FAAH2: variants seen among roughly 807,000 people sequenced by gnomAD.
FAAH2 encodes the protein fatty-acid amide hydrolase 2.
A neutral mutation model predicts 36.9 loss-of-function variants in FAAH2; 60 were observed. The observed-to-expected ratio is 1.63, with a 90% confidence interval of 1.32 to 2.02. The LOEUF (loss-of-function observed/expected upper bound fraction) is 2.02. Among genes scored for constraint, FAAH2 ranks in the 30% most tolerant of loss-of-function variants. FAAH2 has a pLI of 0.00. For missense variants in FAAH2, 689 were observed against 397.5 expected (o/e 1.73, Z -6.23); for synonymous variants, 214 against 143.8 (o/e 1.49, Z -3.49).
chrX:57,458,246 G>T (rs1273429529), intron 10 of FAAH2, among the ~76,000 whole-genome samples: 1 of 112,128 alleles, frequency 8.9e-6, no homozygotes, highest in Non-Finnish European at 1.9e-5. Context: ...CCTGCCGTAT[G>T]CAGAAGAATG....
chrX:57,137,081 C>A, the FAAH2 span: 48 of 789,857 alleles, frequency 6.1e-5, 1 homozygote, highest in South Asian at 2.4e-3. Flanking sequence ...ATTCCTACCC[C>A]CTTTCCCTGT....
At chrX:57,478,890 G>A (rs2057323246) in intron 10 of FAAH2, among the ~76,000 whole-genome samples, 1 of 111,644 alleles carries the variant, frequency 9.0e-6, no homozygotes, top group Non-Finnish European at 1.9e-5. Context: ...GGTTACTGTA[G>A]CCTTGTAGTA....
intron 5 of FAAH2, among the ~76,000 whole-genome samples, chrX:57,360,052 T>C (rs1178742106): frequency 9.2e-6 from 1 of 109,122 alleles, no homozygotes; most frequent in Non-Finnish European, 1.9e-5. Flanking sequence ...AATATGGTGA[T>C]AGTCTTATGG....
At chrX:57,174,807 T>G in the FAAH2 span, among the ~76,000 whole-genome samples, 1 of 111,906 alleles carries the variant, frequency 8.9e-6, no homozygotes, top group Non-Finnish European at 1.9e-5. Context: ...AAATAATTTT[T>G]AAATTTCCAT....
intron 5 of FAAH2, among the ~76,000 whole-genome samples, chrX:57,350,857 C>A (rs761978414): frequency 3.6e-5 from 4 of 111,072 alleles, no homozygotes; most frequent in Non-Finnish European, 7.6e-5. Context: ...TATCACTAGA[C>A]CAAAAGAGGA....
chrX:57,451,886 C>A (rs1322278258), intron 10 of FAAH2, among the ~76,000 whole-genome samples: 1 of 112,630 alleles, frequency 8.9e-6, no homozygotes, highest in African/African-American at 3.2e-5. Flanking sequence ...AATAATCTAG[C>A]CTGCAGATTC....
At chrX:57,378,605 A>G in intron 5 of FAAH2, 46 bp from the exon 6 acceptor site, 1 of 1,199,730 alleles carries the variant, frequency 8.3e-7, no homozygotes, top group Non-Finnish European at 1.1e-6. Flanking sequence ...ACATGCAGGG[A>G]TCATGTCTTA....
At chrX:57,421,351 G>A (rs1262782223) in intron 7 of FAAH2, among the ~76,000 whole-genome samples, 1 of 112,145 alleles carries the variant, frequency 8.9e-6, no homozygotes, top group East Asian at 2.8e-4. Context: ...ACTCAGGTGG[G>A]TGAGACCGGA....
At chrX:57,482,452 G>A (rs915705676) in intron 10 of FAAH2, among the ~76,000 whole-genome samples, 14 of 111,362 alleles carry the variant, frequency 1.3e-4, no homozygotes, top group African/African-American at 4.2e-4. Flanking sequence ...AACCTAGCTG[G>A]GTAGCGCAGT....
At chrX:57,344,336 T>C (rs969367661) in intron 5 of FAAH2, among the ~76,000 whole-genome samples, 9 of 110,983 alleles carry the variant, frequency 8.1e-5, no homozygotes, top group Admixed American at 1.9e-4. Flanking sequence ...TGGTTAGTGG[T>C]ATTTCTAGAT....
intron 7 of FAAH2, among the ~76,000 whole-genome samples, chrX:57,409,252 A>G (rs973294442): frequency 8.9e-6 from 1 of 111,897 alleles, no homozygotes; most frequent in Admixed American, 9.5e-5. Flanking sequence ...CCAGGGATGA[A>G]TCTCAATTAA....
At chrX:57,221,805 C>A in the FAAH2 span, among the ~76,000 whole-genome samples, 3 of 110,442 alleles carry the variant, frequency 2.7e-5, no homozygotes, top group Non-Finnish European at 3.8e-5. Context: ...CGACACCCAC[C>A]TTTCATGTGA....
the FAAH2 span, among the ~76,000 whole-genome samples, chrX:57,234,775 C>T: frequency 9.0e-6 from 1 of 111,658 alleles, no homozygotes; most frequent in Non-Finnish European, 1.9e-5. Context: ...AGGCTGGTCC[C>T]CATGGTTCAC....
At chrX:57,225,053 T>A in the FAAH2 span, among the ~76,000 whole-genome samples, 14 of 112,413 alleles carry the variant, frequency 1.2e-4, no homozygotes, top group African/African-American at 4.5e-4. Context: ...TTAATCTTGC[T>A]AATGGTCTCT....
the FAAH2 span, among the ~76,000 whole-genome samples, chrX:57,264,103 A>G: frequency 1.8e-5 from 2 of 112,168 alleles, no homozygotes; most frequent in East Asian, 5.5e-4. Flanking sequence ...CTTAAATGTA[A>G]AACTATAATA....
intron 5 of FAAH2, among the ~76,000 whole-genome samples, chrX:57,361,527 A>T (rs1322240089): frequency 9.0e-6 from 1 of 111,055 alleles, no homozygotes; most frequent in Non-Finnish European, 1.9e-5. Flanking sequence ...TTTTTCCTAA[A>T]TTTCTTTATT....
At chrX:57,472,003 T>C (rs762872503) in intron 10 of FAAH2, among the ~76,000 whole-genome samples, 37 of 112,232 alleles carry the variant, frequency 3.3e-4, no homozygotes, top group African/African-American at 9.4e-4. Context: ...AAGGATTCCC[T>C]ATTTAACAGG....
intron 7 of FAAH2, among the ~76,000 whole-genome samples, chrX:57,426,780 T>A (rs1480170071): frequency 9.0e-6 from 1 of 111,533 alleles, no homozygotes; most frequent in African/African-American, 3.3e-5. Context: ...TAATGTTAAA[T>A]GCCTACATCA....
chrX:57,323,983 T>G (rs1192387728), intron 3 of FAAH2, among the ~76,000 whole-genome samples: 83 of 111,771 alleles, frequency 7.4e-4, no homozygotes, highest in Non-Finnish European at 1.3e-3. Context: ...GGTCTAACAT[T>G]TAAGTCTTTA....
Sources: allele counts gnomAD v4.1 joint callset (sites outside exome capture counted in the v4.1 genomes callset), GRCh38; gene constraint gnomAD v4.1.1; transcripts MANE v1.5; gene names NCBI Gene and HGNC (gene_info 2026-07-23, HGNC 2026-07-21).